NLK: variants seen among roughly 807,000 people sequenced by gnomAD.
The protein encoded by NLK is nemo like kinase.
A neutral mutation model predicts 59.0 loss-of-function variants in NLK; 11 were observed. The observed-to-expected ratio is 0.19, with a 90% CI of 0.12 to 0.31. NLK has a LOEUF of 0.31. Among genes scored for constraint, NLK ranks in the 10% least tolerant of loss-of-function variants. The probability of loss-of-function intolerance (pLI) is 1.00; values close to 1 mark genes in which losing one functional copy is unlikely to be tolerated. For missense variants in NLK, 410 were observed against 661.1 expected (o/e 0.62, Z 4.16); for synonymous variants, 235 against 235.9 (o/e 1.00, Z 0.03).
intron 1 of NLK, among the ~76,000 whole-genome samples, chr17:28,110,708 G>A (rs565997011): frequency 8.6e-5 from 13 of 151,848 alleles, no homozygotes; most frequent in African/African-American, 2.9e-4. Flanking sequence ...TTTCTAATAT[G>A]TACTTTTCTC....
chr17:28,118,711 T>C lies in NLK; in HGVS notation c.459-3892T>C, dbSNP rs570937840. The stretch of plus-strand genomic sequence containing the variant: ...TATTGTACTCTTTTGATCAACTCTG[T>C]ATCTCTCTGAAAAAGGACTTGTGGA... On this transcript the variant is annotated intron_variant, in intron 1 of 10. Coordinates refer to ENST00000407008, the MANE Select transcript of NLK (RefSeq NM_016231.5). Among the ~76,000 whole-genome samples the C allele has an allele frequency of 2.0e-5, 3 of 152,326 alleles. No homozygotes were observed. In the South Asian group the frequency reaches 6.2e-4, roughly 32 times the overall value.
intron 1 of NLK, among the ~76,000 whole-genome samples, chr17:28,122,238 C>A (rs2142818961): frequency 6.6e-6 from 1 of 152,306 alleles, no homozygotes; most frequent in Non-Finnish European, 1.5e-5. Flanking sequence ...TGACTTTTAT[C>A]AAATTAATGA....
intron 3 of NLK, among the ~76,000 whole-genome samples, chr17:28,148,620 T>G (rs1907353739): frequency 6.6e-6 from 1 of 152,190 alleles, no homozygotes; most frequent in South Asian, 2.1e-4. Context: ...CAGACATTTC[T>G]TCACTAGCAG....
downstream of NLK, among the ~76,000 whole-genome samples, chr17:28,199,665 C>CAAAAAAAAAAAAAAAAA (rs1303411168): frequency 8.9e-5 from 3 of 33,590 alleles, no homozygotes; most frequent in African/African-American, 2.3e-4. Flanking sequence ...GACTCTGTCT[C>CAAAAAAAAAAAAAAAAA]AAAAAAAAAA....
intron 1 of NLK, among the ~76,000 whole-genome samples, chr17:28,055,944 GT>G (rs1031774895): frequency 1.3e-5 from 2 of 152,018 alleles, no homozygotes; most frequent in African/African-American, 2.4e-5. Flanking sequence ...TAAAAGGAAG[GT>G]TTTTTTCTTT....
intron 1 of NLK, among the ~76,000 whole-genome samples, chr17:28,071,657 T>G (rs867955028): frequency 6.6e-6 from 1 of 152,220 alleles, no homozygotes; most frequent in South Asian, 2.1e-4. Context: ...ACTCCTGTCC[T>G]GCCTTCAACC....
At chr17:28,147,265 A>G (rs1447231292) in intron 3 of NLK, among the ~76,000 whole-genome samples, 1 of 152,174 alleles carries the variant, frequency 6.6e-6, no homozygotes, top group Non-Finnish European at 1.5e-5. Context: ...CTCCCTGAGT[A>G]ATCATGACTT....
rs540645988 is a variant in NLK, at chr17:28,046,728, G to A, written c.458+3397G>A. Among the ~76,000 whole-genome samples the A allele has an allele frequency of 1.3e-4, 20 of 152,284 alleles. No individual in the cohort carries two copies. In the South Asian group the frequency reaches 1.9e-3, roughly 14 times the overall value. On this transcript the variant is annotated intron_variant, in intron 1 of 10. Transcript: ENST00000407008. Reference sequence around the variant, plus strand: ...TTTTGAGAGATGGAGGAAGTTGACCGCATGAGAGTGGTTTGAGGATCGCTG... The same window carrying A: ...TTTTGAGAGATGGAGGAAGTTGACCACATGAGAGTGGTTTGAGGATCGCTG...
chr17:28,089,146 G>A (rs960505165), intron 1 of NLK, among the ~76,000 whole-genome samples: 1 of 152,112 alleles, frequency 6.6e-6, no homozygotes, highest in Admixed American at 6.5e-5. Flanking sequence ...TTTGATGTAC[G>A]TATACACATG....
intron 7 of NLK, among the ~76,000 whole-genome samples, chr17:28,184,268 A>C (rs571627147): frequency 1.3e-5 from 2 of 152,356 alleles, no homozygotes; most frequent in Non-Finnish European, 2.9e-5. Flanking sequence ...CTTTATGGTA[A>C]TGTCATAAGA....
In NLK at chr17:28,194,629, G is replaced by A; in HGVS notation, c.1577G>A (p.Trp526Ter). 6.3e-7 allele frequency: 1 copy of A among 1,593,660 alleles called. No homozygotes were observed. The highest frequency in any genetic ancestry group is 8.6e-7 in the Non-Finnish European group (1 of 1,164,242). ...GAGATGCCCCCATCTCCTCTGGTGT[G>A]GGAGTGATGGTGGAAGATAATGTAC... ...PSEMPPSPLV[W>*]E The change falls in exon 11 of 11, where the codon TGG becomes TAG. Residue 526 changes from tryptophan (W) to a stop codon, truncating the protein, a stop_gained. Coordinates refer to ENST00000407008, the MANE Select transcript of NLK (RefSeq NM_016231.5). LOFTEE classifies it high-confidence loss of function.
Position 28,110,628 on chromosome 17 carries a change from A to T in NLK, c.459-11975A>T, listed in dbSNP as rs978372406. Among the ~76,000 whole-genome samples the T allele has an allele frequency of 4.0e-5, 6 of 151,400 alleles. No individual in the cohort carries two copies. The South Asian group carries it at 1.3e-3, about 32-fold the overall frequency. ...TCCTCCTGATATTCCCATTGCATGC[A>T]TGTTGGTACCCTCAGTGTTACTGCA... On this transcript the variant is annotated intron_variant, in intron 1 of 10. Transcript: ENST00000407008.
chr17:28,134,770 G>A (rs983470905), intron 3 of NLK, among the ~76,000 whole-genome samples: 3 of 152,348 alleles, frequency 2.0e-5, no homozygotes, highest in East Asian at 1.9e-4. Flanking sequence ...GTTCCTGGCT[G>A]ACAAGAATGT....
downstream of NLK, among the ~76,000 whole-genome samples, chr17:28,199,816 A>C (rs1329330422): frequency 6.6e-6 from 1 of 152,174 alleles, no homozygotes; most frequent in Non-Finnish European, 1.5e-5. Flanking sequence ...TCAAAACAAT[A>C]AAATGTCAAG....
intron 3 of NLK, among the ~76,000 whole-genome samples, chr17:28,152,768 T>C (rs1156372121): frequency 6.6e-6 from 1 of 151,838 alleles, no homozygotes; most frequent in Non-Finnish European, 1.5e-5. Context: ...GGACTACAGG[T>C]GCAGGCCACC....
chr17:28,183,893 GTC>G (rs1374900323), intron 7 of NLK, among the ~76,000 whole-genome samples: 1 of 152,172 alleles, frequency 6.6e-6, no homozygotes, highest in East Asian at 1.9e-4. Context: ...AAGAAAAGGA[GTC>G]TCTAAACATT....
chr17:28,110,317 T>C (rs146958083), intron 1 of NLK, among the ~76,000 whole-genome samples: 6 of 152,280 alleles, frequency 3.9e-5, no homozygotes, highest in African/African-American at 9.6e-5. Context: ...CACTAAAATA[T>C]GGCATTCCAC....
chr17:28,072,662 C>T (rs1048165312), intron 1 of NLK, among the ~76,000 whole-genome samples: 1 of 151,976 alleles, frequency 6.6e-6, no homozygotes, highest in African/African-American at 2.4e-5. Flanking sequence ...TTTTGAATTG[C>T]TTGAGATTTT....
intron 3 of NLK, among the ~76,000 whole-genome samples, chr17:28,146,787 A>G (rs1567727666): frequency 6.6e-6 from 1 of 152,160 alleles, no homozygotes. Flanking sequence ...TTTGAAGGAC[A>G]GAGTACAAGA....
Sources: allele counts gnomAD v4.1 joint callset (sites outside exome capture counted in the v4.1 genomes callset), GRCh38; gene constraint gnomAD v4.1.1; transcripts MANE v1.5; gene names NCBI Gene and HGNC (gene_info 2026-07-23, HGNC 2026-07-21).